Variants in KRT8 observed in about 807,000 individuals in gnomAD.
KRT8 encodes keratin 8, also known as keratin, type II cytoskeletal 8.
KRT8 carries 24 observed loss-of-function variants against 43.0 expected under a neutral mutation model. The ratio of observed to expected loss-of-function variants is 0.56; its 90% CI spans 0.40 to 0.78. The LOEUF (loss-of-function observed/expected upper bound fraction) is 0.78, where lower values mean the gene tolerates loss of function less well. KRT8 is among the 30% of genes least tolerant of loss of function. The pLI, the probability that KRT8 is intolerant of heterozygous loss-of-function variation, is 0.00. For missense variants in KRT8, 492 were observed against 638.4 expected, an observed-to-expected ratio of 0.77 and a Z score of 2.47; for synonymous variants, 214 against 261.2, an observed-to-expected ratio of 0.82 and a Z score of 1.74.
upstream of KRT8, among the ~76,000 whole-genome samples, chr12:52,908,318 C>T (rs192908316): frequency 3.3e-5 from 5 of 152,292 alleles, no homozygotes; most frequent in East Asian, 5.8e-4. Context: ...CTCCGCCTCC[C>T]GGGATCTGAA....
chr12:52,940,816 T>C (rs1326323150), intron 2 of KRT8, among the ~76,000 whole-genome samples: 1 of 151,438 alleles, frequency 6.6e-6, no homozygotes, highest in Non-Finnish European at 1.5e-5. Flanking sequence ...TTAGTAGAGA[T>C]GGGGTTTCAC....
chr12:52,909,391 C>T (rs1480157748), upstream of KRT8, among the ~76,000 whole-genome samples: 3 of 152,208 alleles, frequency 2.0e-5, no homozygotes, highest in Non-Finnish European at 2.9e-5. Flanking sequence ...GACAGCAGAA[C>T]AATTTGTTTA....
chr12:52,907,860 T>C (rs545869945), upstream of KRT8, among the ~76,000 whole-genome samples: 2 of 152,290 alleles, frequency 1.3e-5, no homozygotes, highest in Non-Finnish European at 2.9e-5. Context: ...CCCCTGGGAC[T>C]AGGGCCAAGT....
At chr12:52,918,470 C>T (rs569287383) in intron 2 of KRT8, among the ~76,000 whole-genome samples, 3 of 152,294 alleles carry the variant, frequency 2.0e-5, no homozygotes, top group South Asian at 2.1e-4. Context: ...AAGGGAAGAA[C>T]TGGCATCTGA....
At chr12:52,943,188 C>T (rs181042618) in intron 2 of KRT8, among the ~76,000 whole-genome samples, 141 of 152,274 alleles carry the variant, frequency 9.3e-4, no homozygotes, top group Non-Finnish European at 9.6e-4. Context: ...CTTGGCCTCC[C>T]GATTTCTCCT....
At chr12:52,938,170 A>ATATATATATATATATATTTTTT (rs1555189967) in intron 2 of KRT8, among the ~76,000 whole-genome samples, 2 of 30,320 alleles carry the variant, frequency 6.6e-5, no homozygotes, top group Non-Finnish European at 5.9e-5. Flanking sequence ...ATATATATAT[A>ATATATATATATATATATTTTTT]TTTTTTTTTT....
chr12:52,898,428 C>G (rs778215656), intron 7 of KRT8, 33 bp downstream of exon 7: 6 of 1,599,266 alleles, frequency 3.8e-6, no homozygotes, highest in Middle Eastern at 3.3e-4. Flanking sequence ...GGCCCTGCCT[C>G]CCGCCCTCAT....
At chr12:52,923,534 C>G (rs149588154) in intron 2 of KRT8, among the ~76,000 whole-genome samples, 3,610 of 152,260 alleles carry the variant, frequency 0.024, 73 homozygotes, top group Admixed American at 0.051. Context: ...ATTCTCCTGC[C>G]TCAGCCTCCC....
At chr12:52,918,251 AAGAAG>A in intron 2 of KRT8, among the ~76,000 whole-genome samples, 1 of 151,146 alleles carries the variant, frequency 6.6e-6, no homozygotes, top group Non-Finnish European at 1.5e-5. Flanking sequence ...GAAGAAGAAG[AAGAAG>A]AAACAAAACA....
At chr12:52,902,555 T>G (rs1941398971) in intron 1 of KRT8, among the ~76,000 whole-genome samples, 1 of 151,866 alleles carries the variant, frequency 6.6e-6, no homozygotes, top group African/African-American at 2.4e-5. Context: ...GCCCCACTAA[T>G]TTTTTTGTAT....
exon 2 of KRT8, chr12:52,902,069 G>A (rs145511223): frequency 1.7e-5 from 27 of 1,597,186 alleles, no homozygotes; most frequent in Non-Finnish European, 2.2e-5. Context: ...TCCAGGAACC[G>A]TACCTATACG....
chr12:52,908,571 A>G (rs908815791), upstream of KRT8, among the ~76,000 whole-genome samples: 1 of 152,352 alleles, frequency 6.6e-6, no homozygotes, highest in South Asian at 2.1e-4. Flanking sequence ...CAGGTACCCT[A>G]TGATTCCATT....
At chr12:52,911,569 A>C (rs1389700257), upstream of KRT8, among the ~76,000 whole-genome samples, 1 of 152,210 alleles carries the variant, frequency 6.6e-6, no homozygotes, top group East Asian at 1.9e-4. Flanking sequence ...TACAAATATT[A>C]ATTCATTTAA....
In KRT8 at chr12:52,912,218, C is replaced by T. The variant is rs1026542602; in HGVS notation, c.-46-7191G>A. 8.5e-5 allele frequency among the ~76,000 whole-genome samples: 13 copies of T among 152,236 alleles called. No individual in the cohort carries two copies. The South Asian group carries it at 1.9e-3, about 22-fold the overall frequency. On this transcript the variant is annotated intron_variant, in intron 2 of 6. Coordinates refer to the KRT8 transcript ENST00000546826. ...TCACAGCATTGGGCCCAAAGGTCCC[C>T]CAAGAAGGCAGGAGGACTCCTGCAG...
chr12:52,914,189 C>T (rs1167707458), intron 2 of KRT8, among the ~76,000 whole-genome samples: 2 of 151,924 alleles, frequency 1.3e-5, no homozygotes, highest in African/African-American at 4.8e-5. Flanking sequence ...CCCTATTGCA[C>T]TCCAGCCTGG....
chr12:52,929,405 G>A (rs914059936), intron 2 of KRT8, among the ~76,000 whole-genome samples: 5 of 152,018 alleles, frequency 3.3e-5, no homozygotes, highest in Admixed American at 6.6e-5. Flanking sequence ...TGTTGGCCAG[G>A]CTGGTCTTGA....
upstream of KRT8, among the ~76,000 whole-genome samples, chr12:52,908,134 C>T (rs192690738): frequency 1.2e-3 from 176 of 152,296 alleles, no homozygotes; most frequent in Non-Finnish European, 1.6e-3. Flanking sequence ...GCCCTGAGAC[C>T]CTGAGCAGTG....
chr12:52,898,645 G>A (rs764978656), intron 6 of KRT8, 34 bp downstream of exon 6: 2 of 1,614,026 alleles, frequency 1.2e-6, no homozygotes, highest in East Asian at 2.2e-5. Context: ...CCAGGGATAG[G>A]GAAGCAGGTC....
chr12:52,898,781 A>G, exon 6 of KRT8: 1 of 1,614,224 alleles, frequency 6.2e-7, no homozygotes, highest in Non-Finnish European at 8.5e-7. Context: ...CTGCCGCGCC[A>G]TGTCCTGCTT....
Sources: gnomAD v4.1 joint callset for allele counts (sites outside exome capture counted in the v4.1 genomes callset) on GRCh38, gnomAD v4.1.1 for gene constraint, MANE v1.5 for transcripts, NCBI Gene and HGNC (gene_info 2026-07-23, HGNC 2026-07-21) for gene names.